ROS1: variants seen among roughly 807,000 people sequenced by gnomAD.
ROS1 encodes proto-oncogene tyrosine-protein kinase ROS.
In ROS1, 263 loss-of-function variants were observed where a neutral mutation model predicts 273.5. The ratio of observed to expected loss-of-function variants is 0.96; its 90% CI spans 0.87 to 1.06. The LOEUF (loss-of-function observed/expected upper bound fraction) is 1.06. Ranked by LOEUF, ROS1 falls within the 50% of genes least tolerant of loss-of-function variation. The probability of loss-of-function intolerance (pLI) is 0.00; values close to 1 mark genes in which losing one functional copy is unlikely to be tolerated. For synonymous variants in ROS1, 1,008 were observed against 954.1 expected (o/e 1.06, Z -1.04); for missense variants, 2,833 against 2,751.1 (o/e 1.03, Z -0.67).
At chr6:117,372,568 GGA>G (rs1300907798) in intron 18 of ROS1, among the ~76,000 whole-genome samples, 2 of 152,272 alleles carry the variant, frequency 1.3e-5, no homozygotes, top group East Asian at 3.9e-4. Flanking sequence ...GGATGTGTTT[GGA>G]GTTTCTTCCT....
chr6:117,390,972 T>C (rs1222007821), intron 12 of ROS1, among the ~76,000 whole-genome samples: 3 of 152,220 alleles, frequency 2.0e-5, no homozygotes, highest in Admixed American at 2.0e-4. Context: ...TTCGTGATTA[T>C]GGAGAAAGGT....
intron 20 of ROS1, 40 bp downstream of exon 20, chr6:117,365,541 T>G: frequency 1.3e-6 from 2 of 1,557,412 alleles, no homozygotes; most frequent in South Asian, 2.2e-5. Flanking sequence ...GATGGTACAG[T>G]CTGTTTGGGA....
intron 39 of ROS1, among the ~76,000 whole-genome samples, chr6:117,315,283 G>A: frequency 6.6e-6 from 1 of 151,944 alleles, no homozygotes; most frequent in African/African-American, 2.4e-5. Flanking sequence ...AAACAAAGCA[G>A]TCCGTTATAA....
intron 18 of ROS1, among the ~76,000 whole-genome samples, chr6:117,371,773 GC>G (rs1429272282): frequency 2.0e-5 from 3 of 152,258 alleles, no homozygotes; most frequent in African/African-American, 7.2e-5. Flanking sequence ...TGGGAGTTGG[GC>G]GAGGCCGGTC....
chr6:117,334,612 T>A (rs1407226364), intron 32 of ROS1, among the ~76,000 whole-genome samples: 1 of 151,808 alleles, frequency 6.6e-6, no homozygotes, highest in Non-Finnish European at 1.5e-5. Flanking sequence ...AAAGCTACAG[T>A]AACACAGCAT....
At position 117,366,245 on chromosome 6, in the gene ROS1, A is replaced by G. The variant is rs1392408350; in HGVS notation, c.2628T>C (p.Ser876=). The change falls in exon 19 of 44, where the codon TCT becomes TCC. Residue 876 remains serine (S), a synonymous_variant. Coordinates refer to ENST00000368507, the MANE Select transcript of ROS1 (RefSeq NM_001378902.1). ...ACATCAGTGCATTCTGGGAAATTTC[A>G]GAAGTACTCCAGGCTGCAAATTCTG... The part of the protein sequence containing the change: ...TITEFAAWST[S]EISQNALMYY... 1 of 1,614,110 alleles carries G rather than the reference A, an allele frequency of 6.2e-7. No homozygotes were observed. Among genetic ancestry groups the G allele is most frequent in the East Asian group, 2.2e-5 (1 of 44,872 alleles).
rs1159511304 is a variant in ROS1 at position 117,342,297 on chromosome 6, T to C, written c.4651+103A>G. 11 of 1,170,302 alleles carry C rather than the reference T, an allele frequency of 9.4e-6. 1 individual carries two copies. The East Asian group carries it at 1.5e-4, about 16-fold the overall frequency. 72.5% of individuals were successfully genotyped at this position (1,170,302 alleles called of 1,614,324 possible). On this transcript the variant is annotated intron_variant, in intron 29 of 43. Coordinates refer to ENST00000368507, the MANE Select transcript of ROS1 (RefSeq NM_001378902.1). ...TCTTATTAAACTTAAAAAAGCTTAC[T>C]AAAATTACTTCGCATTCAGATTTTA... is the stretch of plus-strand genomic sequence containing the variant.
intron 35 of ROS1, among the ~76,000 whole-genome samples, chr6:117,321,703 A>G (rs1776303206): frequency 6.6e-6 from 1 of 152,088 alleles, no homozygotes; most frequent in Non-Finnish European, 1.5e-5. Flanking sequence ...TGTCAAAATC[A>G]CCCATAAACG....
chr6:117,325,969 G>T (rs983059039), intron 34 of ROS1, among the ~76,000 whole-genome samples: 29 of 151,596 alleles, frequency 1.9e-4, no homozygotes, highest in Non-Finnish European at 3.7e-4. Context: ...GCATGGAATT[G>T]ATGTGGTAGG....
At position 117,365,747 on chromosome 6, in the gene ROS1, G is replaced by C. The variant is rs573102844; in HGVS notation, c.2798-6C>G. The C allele has an allele frequency of 9.0e-5, 138 of 1,533,330 alleles. 1 individual carries two copies. The South Asian group carries it at 1.7e-3, about 19-fold the overall frequency. The allele number at this position is 1,533,330 out of a possible 1,614,324, so 95.0% of individuals were successfully genotyped here. On this transcript the variant is annotated splice_region_variant and splice_polypyrimidine_tract_variant and intron_variant, in intron 19 of 43. Coordinates refer to ENST00000368507, the MANE Select transcript of ROS1 (RefSeq NM_001378902.1). ...AGGGGTAAAGGAAAAGTTCCCTACA[G>C]GATGAAACAAAAAAAAGAAATAGGA...
In ROS1 at chr6:117,389,682, A is replaced by C. The variant is rs574409648; in HGVS notation, c.1454T>G (p.Val485Gly). The C allele has an allele frequency of 6.2e-7, 1 of 1,614,052 alleles. No homozygotes were observed. Among genetic ancestry groups the C allele is most frequent in the Non-Finnish European group, 8.5e-7 (1 of 1,180,028 alleles). The change falls in exon 13 of 44, where the codon GTC becomes GGC. Residue 485 changes from valine (V) to glycine (G), a missense_variant. Transcript: ENST00000368507. ...GCCATCCAGAAATGTTGACATGAAG[A>C]CTTGGGCAGTGTCATTGAAGTAAAT... ...RIIYFNDTAQ[V>G]FMSTFLDGSA... is the part of the protein sequence containing the mutation.
Position 117,288,532 on chromosome 6 carries a change from G to A in ROS1, c.6986C>T (p.Ala2329Val), listed in dbSNP as rs2128520571. 1.9e-6 allele frequency: 3 copies of A among 1,614,078 alleles called. No individual in the cohort carries two copies. The highest frequency in any genetic ancestry group is 2.5e-6 in the Non-Finnish European group (3 of 1,180,010). ...PSGKPEGLNYACLTHSGYGDG... is the reference protein window; with the variant it reads ...PSGKPEGLNYVCLTHSGYGDG... Reference sequence around the variant, plus strand: ...TCCATATCCACTGTGAGTGAGACAGGCATAGTTCAGGCCTTCAGGCTTGCC... The same window carrying A: ...TCCATATCCACTGTGAGTGAGACAGACATAGTTCAGGCCTTCAGGCTTGCC... The change falls in exon 44 of 44, where the codon GCC (alanine) becomes GTC (valine). Residue 2329 changes from alanine (A) to valine (V), a missense_variant. Physicochemically the swap from Ala to Val is moderately conservative, Grantham distance 64. Coordinates refer to ENST00000368507, the MANE Select transcript of ROS1 (RefSeq NM_001378902.1).
intron 39 of ROS1, among the ~76,000 whole-genome samples, chr6:117,316,702 TGG>T (rs1487312421): frequency 6.6e-6 from 1 of 152,084 alleles, no homozygotes; most frequent in East Asian, 1.9e-4. Context: ...GAGCTCCGTT[TGG>T]GGCAAAATAT....
chr6:117,310,948 T>G (rs1775496887), intron 40 of ROS1, 72 bp downstream of exon 40: 2 of 853,712 alleles, frequency 2.3e-6, no homozygotes, highest in Non-Finnish European at 3.8e-6. Flanking sequence ...TTATCTTGTG[T>G]GCTTTACCTG....
At chr6:117,368,717 T>C (rs1285838588) in intron 18 of ROS1, among the ~76,000 whole-genome samples, 2 of 152,188 alleles carry the variant, frequency 1.3e-5, no homozygotes, top group Admixed American at 6.5e-5. Context: ...TTTTTGAGTA[T>C]TTTAGAACAA....
intron 20 of ROS1, 94 bp from the exon 21 acceptor site, chr6:117,365,298 T>G: frequency 7.4e-7 from 1 of 1,342,616 alleles, no homozygotes; most frequent in Non-Finnish European, 1.0e-6. Context: ...TTAGTTCACA[T>G]GTAAAATCAA....
chr6:117,360,898 T>G (rs1779746348), intron 22 of ROS1, among the ~76,000 whole-genome samples: 1 of 152,162 alleles, frequency 6.6e-6, no homozygotes, highest in Non-Finnish European at 1.5e-5. Context: ...CCATTTTTCT[T>G]GAATTCAACA....
chr6:117,336,471 C>A (rs1777475539), intron 32 of ROS1, among the ~76,000 whole-genome samples: 1 of 152,134 alleles, frequency 6.6e-6, no homozygotes, highest in Non-Finnish European at 1.5e-5. Context: ...TAGCTTCCAG[C>A]TTCATCCATA....
rs143148482 is a variant in ROS1, at chr6:117,365,101, T to A, written c.3062A>T (p.Lys1021Met). 5.9e-4 allele frequency: 953 copies of A among 1,613,466 alleles called. 7 individuals carry two copies. In the African/African-American group the frequency reaches 0.01, roughly 18 times the overall value. ...LSVTPYTYWG[K>M]GPKTSLSLRA... is the part of the protein sequence containing the mutation. ...AAGTGACAGAGATGTTTTGGGGCCC[T>A]TTCCCCAGTAGGTATAAGGAGTGAC... Residue 1021 changes from lysine to methionine, a missense_variant, in exon 21 of 44, where the codon AAG (lysine) becomes ATG (methionine). Physicochemically the swap from Lys to Met is moderately conservative, Grantham distance 95. Coordinates refer to ENST00000368507, the MANE Select transcript of ROS1 (RefSeq NM_001378902.1).
Sources: allele counts gnomAD v4.1 joint callset (sites outside exome capture counted in the v4.1 genomes callset), GRCh38; gene constraint gnomAD v4.1.1; transcripts MANE v1.5; gene names NCBI Gene and HGNC (gene_info 2026-07-23, HGNC 2026-07-21).